Variants in MAP3K9 observed in about 807,000 individuals in gnomAD.
MAP3K9 encodes mitogen-activated protein kinase kinase kinase 9.
In MAP3K9, 46 loss-of-function variants were observed where a neutral mutation model predicts 95.8. The observed-to-expected ratio is 0.48, with a 90% CI of 0.38 to 0.61. The LOEUF (loss-of-function observed/expected upper bound fraction) is 0.61, where lower values mean the gene tolerates loss of function less well. Among genes scored for constraint, MAP3K9 ranks in the 20% least tolerant of loss-of-function variants. MAP3K9 has a pLI of 0.00. For missense variants in MAP3K9, 1,296 were observed against 1,474.3 expected (o/e 0.88, Z 1.98); for synonymous variants, 533 against 593.8 (o/e 0.90, Z 1.49).
chr14:70,803,186 G>C (rs1166825840), intron 1 of MAP3K9, among the ~76,000 whole-genome samples: 1 of 151,956 alleles, frequency 6.6e-6, no homozygotes, highest in African/African-American at 2.4e-5. Flanking sequence ...CCAAGCAGAT[G>C]CTGGTGCCAT....
chr14:70,809,180 C>T lies in MAP3K9; in HGVS notation c.-9G>A, dbSNP rs2055037930. ...GCTCTGGAGGGCTCCATGGAGCGGCCGATCCATAGGGTGCGGGGCCGCCGC... is the reference window on the plus strand; with the variant it reads ...GCTCTGGAGGGCTCCATGGAGCGGCTGATCCATAGGGTGCGGGGCCGCCGC... On this transcript the variant is annotated 5_prime_UTR_variant, in exon 1 of 12. Transcript: ENST00000554752. The T allele has an allele frequency of 3.7e-6, 5 of 1,336,080 alleles. No homozygotes were observed. The highest frequency in any genetic ancestry group is 1.5e-5 in the African/African-American group (1 of 64,658). 82.8% of individuals were successfully genotyped at this position (1,336,080 alleles called of 1,614,324 possible). A position where few individuals can be genotyped will look rare whatever the true frequency, so the allele number is the denominator to read the frequency against.
intron 3 of MAP3K9, among the ~76,000 whole-genome samples, chr14:70,753,841 A>AT (rs566998319): frequency 2.1e-4 from 32 of 151,454 alleles, no homozygotes; most frequent in Non-Finnish European, 3.4e-4. Flanking sequence ...GGGGTGTTTG[A>AT]TTTTTTTTTC....
chr14:70,736,269 T>C (rs902463028), intron 8 of MAP3K9, among the ~76,000 whole-genome samples: 7 of 152,110 alleles, frequency 4.6e-5, no homozygotes, highest in Middle Eastern at 3.2e-3. Flanking sequence ...TGTGAATCCA[T>C]AGATACCCAA....
intron 7 of MAP3K9, 72 bp from the exon 8 acceptor site, chr14:70,738,470 C>T: frequency 7.6e-6 from 10 of 1,318,000 alleles, no homozygotes; most frequent in Non-Finnish European, 1.1e-5. Flanking sequence ...GCCTCTATAC[C>T]ACCACACACA....
At chr14:70,749,852 C>A in intron 4 of MAP3K9, 81 bp downstream of exon 4, 2 of 1,517,938 alleles carry the variant, frequency 1.3e-6, no homozygotes, top group Non-Finnish European at 1.8e-6. Context: ...AGTAACTGAT[C>A]TCACAGAATT....
rs1249433366 is a variant in MAP3K9, at chr14:70,809,218, C to A, written c.-47G>T. 3.1e-6 allele frequency: 4 copies of A among 1,283,838 alleles called. No individual in the cohort carries two copies. The highest frequency in any genetic ancestry group is 3.9e-6 in the Non-Finnish European group (4 of 1,021,362). The allele number at this position is 1,283,838 out of a possible 1,614,324, so 79.5% of individuals were successfully genotyped here. A position where few individuals can be genotyped will look rare whatever the true frequency, so the allele number is the denominator to read the frequency against. Reference sequence around the variant, plus strand: ...GCGGGGCCGCCGCCGCCCGCAGGAGCCGCCGCCGCCTATTGTTCATGCGCC... The same window carrying A: ...GCGGGGCCGCCGCCGCCCGCAGGAGACGCCGCCGCCTATTGTTCATGCGCC... On this transcript the variant is annotated 5_prime_UTR_variant, in exon 1 of 12. Transcript: ENST00000554752.
At chr14:70,791,811 TTTCCCCCTGACCCC>T (rs2054810365) in intron 2 of MAP3K9, among the ~76,000 whole-genome samples, 1 of 152,256 alleles carries the variant, frequency 6.6e-6, no homozygotes, top group Non-Finnish European at 1.5e-5. Context: ...GATCAAGGTC[TTTCCCCCTGACCCC>T]ACAGGGAGCT....
intron 1 of MAP3K9, among the ~76,000 whole-genome samples, chr14:70,803,168 C>G (rs1005703613): frequency 6.6e-6 from 1 of 151,984 alleles, no homozygotes; most frequent in Non-Finnish European, 1.5e-5. Context: ...CCTGAGGCCT[C>G]ACCAGAGCCA....
chr14:70,796,708 T>G (rs2054868268), intron 2 of MAP3K9, among the ~76,000 whole-genome samples: 1 of 152,228 alleles, frequency 6.6e-6, no homozygotes, highest in African/African-American at 2.4e-5. Context: ...TCTGTGCTTC[T>G]GCTTCCCCTC....
At chr14:70,808,727 G>T in intron 1 of MAP3K9, 39 bp downstream of exon 1, 1 of 717,992 alleles carries the variant, frequency 1.4e-6, no homozygotes. Context: ...CCAGGCCTCC[G>T]TCATTCCCCC....
chr14:70,767,678 G>A (rs17176971), intron 2 of MAP3K9, among the ~76,000 whole-genome samples: 19,778 of 152,134 alleles, frequency 0.13, 1,751 homozygotes, highest in Non-Finnish European at 0.18. Context: ...TATAAGGAAA[G>A]ACAATGTGAC....
chr14:70,795,036 C>T (rs1201649499), intron 2 of MAP3K9, among the ~76,000 whole-genome samples: 4 of 135,970 alleles, frequency 2.9e-5, no homozygotes, highest in Non-Finnish European at 4.6e-5. Context: ...CTCTGTTGCC[C>T]GGGCTGGAGT....
chr14:70,758,478 A>C (rs1217540911), intron 3 of MAP3K9, among the ~76,000 whole-genome samples: 3 of 152,242 alleles, frequency 2.0e-5, no homozygotes, highest in Non-Finnish European at 4.4e-5. Flanking sequence ...AGCTATGATG[A>C]AAAAGTTTGG....
rs140576965 is a variant in MAP3K9, at chr14:70,744,939, T to C, written c.1327-2348A>G. Among the ~76,000 whole-genome samples the C allele has an allele frequency of 3.0e-3, 456 of 152,334 alleles. 1 individual carries two copies. Among genetic ancestry groups the C allele is most frequent in the African/African-American group, 0.01 (431 of 41,584 alleles). On this transcript the variant is annotated intron_variant, in intron 5 of 11. Transcript: ENST00000554752. ...ACATCAGATGGCAGAACCTCTTCCCTACCTCCCCTTTATCCTTACGCATGA... is the reference window on the plus strand; with the variant it reads ...ACATCAGATGGCAGAACCTCTTCCCCACCTCCCCTTTATCCTTACGCATGA...
intron 1 of MAP3K9, among the ~76,000 whole-genome samples, chr14:70,807,986 A>G (rs559999657): frequency 1.3e-5 from 2 of 152,308 alleles, no homozygotes; most frequent in South Asian, 4.1e-4. Context: ...GAATGAGAAG[A>G]AAGAAGAAAA....
At chr14:70,783,166 T>G in intron 2 of MAP3K9, 1 of 608,862 alleles carries the variant, frequency 1.6e-6, no homozygotes, top group Non-Finnish European at 2.1e-6. Context: ...AAACCTAAAA[T>G]TGGCCAGATT....
chr14:70,767,383 C>CAA (rs67534847), intron 2 of MAP3K9, among the ~76,000 whole-genome samples: 13 of 65,320 alleles, frequency 2.0e-4, no homozygotes, highest in African/African-American at 6.3e-4. Flanking sequence ...CACTCAGTCT[C>CAA]AAAAAAAAAA....
At chr14:70,747,521 T>C (rs8018294) in intron 5 of MAP3K9, among the ~76,000 whole-genome samples, 135,786 of 152,248 alleles carry the variant, frequency 0.89, 60,618 homozygotes, top group Middle Eastern at 0.94. Flanking sequence ...AGCATGAGAA[T>C]AGACTAATAT....
chr14:70,781,561 A>G (rs1381565746), intron 2 of MAP3K9, among the ~76,000 whole-genome samples: 4 of 152,216 alleles, frequency 2.6e-5, no homozygotes, highest in Admixed American at 2.6e-4. Context: ...TAGGTGATAC[A>G]CTGTGAGTCT....
Sources: gnomAD v4.1 joint callset for allele counts (sites outside exome capture counted in the v4.1 genomes callset) on GRCh38, gnomAD v4.1.1 for gene constraint, MANE v1.5 for transcripts, NCBI Gene and HGNC (gene_info 2026-07-23, HGNC 2026-07-21) for gene names.